The following CC2D2B variants were observed in gnomAD, a reference collection of about 807,000 sequenced individuals.
CC2D2B encodes the protein protein CC2D2B.
CC2D2B carries 128 observed loss-of-function variants against 161.2 expected under a neutral mutation model. The observed-to-expected ratio is 0.79, with a 90% CI of 0.69 to 0.92. The LOEUF is 0.92. CC2D2B is among the 40% of genes least tolerant of loss of function. The pLI is 0.00. For synonymous variants in CC2D2B, 391 were observed against 449.8 expected, an observed-to-expected ratio of 0.87 and a Z score of 1.65; for missense variants, 1,173 against 1,375.1, an observed-to-expected ratio of 0.85 and a Z score of 2.32.
At chr10:95,995,934 G>A (rs2078214828) in intron 23 of CC2D2B, among the ~76,000 whole-genome samples, 1 of 152,040 alleles carries the variant, frequency 6.6e-6, no homozygotes, top group Non-Finnish European at 1.5e-5. Flanking sequence ...AAATCCTTAA[G>A]AGAAAGTTCT....
rs371727860 is a variant in CC2D2B, at chr10:96,016,158, G to T, written c.3517-43G>T. 294 of 1,344,074 alleles carry T rather than the reference G, an allele frequency of 2.2e-4. 2 individuals are homozygous for T. The African/African-American group carries it at 3.6e-3, about 16-fold the overall frequency. 83.3% of individuals were successfully genotyped at this position (1,344,074 alleles called of 1,614,324 possible). A position where few individuals can be genotyped will look rare whatever the true frequency, so the allele number is the denominator to read the frequency against. ...GATGCTTGCGTTACTCAACTTTCCC[G>T]CACTTTTCTTTTTTTGTTCCTATTG... On this transcript the variant is annotated intron_variant, in intron 29 of 34. Coordinates refer to ENST00000646931, the MANE Select transcript of CC2D2B (RefSeq NM_001349008.3).
At chr10:96,008,535 C>T (rs1371102712) in intron 25 of CC2D2B, among the ~76,000 whole-genome samples, 1 of 152,200 alleles carries the variant, frequency 6.6e-6, no homozygotes. Context: ...TAGGAGACTT[C>T]CAGTTCTTTC....
chr10:95,947,108 TATA>T lies in CC2D2B; in HGVS notation c.802-2787_802-2785del, dbSNP rs1376344501. Among the ~76,000 whole-genome samples the T allele has an allele frequency of 3.8e-3, 143 of 37,676 alleles. 2 individuals carry two copies. Among genetic ancestry groups the T allele is most frequent in the East Asian group, 0.02 (20 of 1,000 alleles). 24.7% of individuals were successfully genotyped at this position (37,676 alleles called of 152,430 possible). A position where few individuals can be genotyped will look rare whatever the true frequency, so the allele number is the denominator to read the frequency against. ...ATATATATATATATATATATATATA[TATA>T]TATTTTTTTTTTTTTTTTTGAGACA... On this transcript the variant is annotated intron_variant, in intron 9 of 34. Coordinates refer to ENST00000646931, the MANE Select transcript of CC2D2B (RefSeq NM_001349008.3).
rs571134554 is a variant in CC2D2B at position 95,953,743 on chromosome 10, A to G, written c.1012-1651A>G. Among the ~76,000 whole-genome samples the G allele has an allele frequency of 3.3e-5, 5 of 152,252 alleles. No individual in the cohort carries two copies. In the South Asian group the frequency reaches 6.2e-4, roughly 19 times the overall value. ...GTTTGGTTAATTTGGTGTCTCGATG[A>G]TATTATCAACAACCCTAGCCTTTTC... On this transcript the variant is annotated intron_variant, in intron 10 of 34. Transcript: ENST00000646931.
chr10:95,978,595 C>T (rs2077400388), intron 17 of CC2D2B, among the ~76,000 whole-genome samples: 1 of 152,188 alleles, frequency 6.6e-6, no homozygotes, highest in Non-Finnish European at 1.5e-5. Context: ...GGCTGATAAA[C>T]TCCTGGGCTC....
chr10:96,019,246 T>G lies in CC2D2B; in HGVS notation c.3674T>G (p.Leu1225Trp). 6.2e-7 allele frequency: 1 copy of G among 1,612,732 alleles called. No homozygotes were observed. Among genetic ancestry groups the G allele is most frequent in the Non-Finnish European group, 8.5e-7 (1 of 1,179,286 alleles). ...YVVTQETNEY[L>W]LWNPSTGQCY... Reference sequence around the variant, plus strand: ...GTAACTCAAGAAACTAATGAATATTTGCTTTGGAATCCATCAACTGGCCAA... The same window carrying G: ...GTAACTCAAGAAACTAATGAATATTGGCTTTGGAATCCATCAACTGGCCAA... Residue 1225 changes from leucine (L) to tryptophan (W), a missense_variant, in exon 31 of 35, where the codon TTG (leucine) becomes TGG (tryptophan). Leu to Trp is a moderately conservative substitution (Grantham distance 61). This residue lies in a region of CC2D2B where 598 missense variants were observed against 693.2 expected (regional missense o/e 0.86). Coordinates refer to ENST00000646931, the MANE Select transcript of CC2D2B (RefSeq NM_001349008.3).
At position 95,983,699 on chromosome 10, in the gene CC2D2B, A is replaced by G; in HGVS notation, c.2176A>G (p.Lys726Glu). 8.1e-7 allele frequency: 1 copy of G among 1,231,180 alleles called. No individual in the cohort carries two copies. Among genetic ancestry groups the G allele is most frequent in the Admixed American group, 4.2e-5 (1 of 23,710 alleles). 76.3% of individuals were successfully genotyped at this position (1,231,180 alleles called of 1,614,324 possible). ...CTTCGTTTCTGAAGAGGAAATGGCA[A>G]AGAGTAAACGTTTCCAGCTATTGCA... ...FNFVSEEEMAKSKRFQLLQLR... is the reference protein window; with the variant it reads ...FNFVSEEEMAESKRFQLLQLR... Residue 726 changes from lysine to glutamate, a missense_variant, in exon 19 of 35, where the codon AAG (lysine) becomes GAG (glutamate). Physicochemically the swap from Lys to Glu is moderately conservative, Grantham distance 56. Coordinates refer to ENST00000646931, the MANE Select transcript of CC2D2B (RefSeq NM_001349008.3).
At chr10:96,010,385 G>A (rs955687127) in intron 26 of CC2D2B, among the ~76,000 whole-genome samples, 1 of 152,058 alleles carries the variant, frequency 6.6e-6, no homozygotes, top group Non-Finnish European at 1.5e-5. Context: ...AAGTAGAAAA[G>A]CCCCAGCCCA....
intron 24 of CC2D2B, among the ~76,000 whole-genome samples, 165 bp downstream of exon 24, chr10:95,996,417 C>A (rs781373293): frequency 2.6e-5 from 4 of 151,998 alleles, no homozygotes; most frequent in Non-Finnish European, 4.4e-5. Flanking sequence ...TACTGTATAG[C>A]ATAATATATA....
intron 25 of CC2D2B, among the ~76,000 whole-genome samples, chr10:96,008,073 A>G (rs7096743): frequency 0.61 from 93,257 of 151,708 alleles, 28,859 homozygotes; most frequent in East Asian, 0.83. Context: ...CTGTTGGCCT[A>G]TCTACCTCCT....
chr10:96,000,323 T>A, intron 24 of CC2D2B: 1 of 327,470 alleles, frequency 3.1e-6, no homozygotes, highest in Non-Finnish European at 4.3e-6. Flanking sequence ...CGTCTGTCTT[T>A]ATTTATTTAT....
intron 32 of CC2D2B, chr10:96,022,848 C>G (rs1221521209): frequency 6.6e-6 from 1 of 152,308 alleles, no homozygotes; most frequent in African/African-American, 2.4e-5. Context: ...GGGGAGTGCA[C>G]AGCAGGAGGC....
intron 19 of CC2D2B, among the ~76,000 whole-genome samples, chr10:95,984,195 T>C (rs2077630732): frequency 6.6e-6 from 1 of 152,242 alleles, no homozygotes; most frequent in Non-Finnish European, 1.5e-5. Context: ...TGTTAGAATC[T>C]TTAAAATATT....
intron 34 of CC2D2B, 103 bp downstream of exon 34, chr10:96,027,492 T>C: frequency 1.3e-6 from 1 of 755,234 alleles, no homozygotes; most frequent in Admixed American, 3.3e-5. Context: ...TTTATCTTGA[T>C]CCTTAAAGAT....
At position 95,938,931 on chromosome 10, in the gene CC2D2B, CA is replaced by C. The variant is rs771034019; in HGVS notation, c.801+8del. 4 of 667,618 alleles carry C rather than the reference CA, an allele frequency of 6.0e-6. No homozygotes were observed. The South Asian group carries it at 7.0e-5, about 12-fold the overall frequency. The allele number at this position is 667,618 out of a possible 1,614,324, so 41.4% of individuals were successfully genotyped here. A position where few individuals can be genotyped will look rare whatever the true frequency, so the allele number is the denominator to read the frequency against. The stretch of plus-strand genomic sequence containing the variant: ...TTAAGACCATATACAGGAAGGTAAC[CA>C]ACAACAATTTATTTGTAATTATGGT... On this transcript the variant is annotated splice_region_variant and intron_variant, in intron 9 of 34. Coordinates refer to ENST00000646931, the MANE Select transcript of CC2D2B (RefSeq NM_001349008.3).
chr10:95,912,593 A>T (rs1419040623), intron 2 of CC2D2B, among the ~76,000 whole-genome samples: 1 of 152,176 alleles, frequency 6.6e-6, no homozygotes, highest in Non-Finnish European at 1.5e-5. Flanking sequence ...AAAGTTTTCA[A>T]AAAATAAGGT....
chr10:95,999,624 A>G (rs1319194212), intron 24 of CC2D2B, among the ~76,000 whole-genome samples: 2 of 152,078 alleles, frequency 1.3e-5, no homozygotes, highest in African/African-American at 4.8e-5. Context: ...ATTAAATTTG[A>G]CTAGTAAAGA....
intron 6 of CC2D2B, among the ~76,000 whole-genome samples, chr10:95,928,232 T>TAA (rs34003266): frequency 2.7e-5 from 4 of 149,578 alleles, no homozygotes; most frequent in African/African-American, 4.9e-5. Context: ...TTTGCACAAT[T>TAA]AAAAAAAAAA....
At chr10:95,929,505 C>G (rs1169296923) in intron 6 of CC2D2B, among the ~76,000 whole-genome samples, 1 of 152,084 alleles carries the variant, frequency 6.6e-6, no homozygotes, top group Non-Finnish European at 1.5e-5. Flanking sequence ...CCTAGGTTTT[C>G]TTCTAGGGTT....
Sources: allele counts gnomAD v4.1 joint callset (sites outside exome capture counted in the v4.1 genomes callset), GRCh38; gene constraint gnomAD v4.1.1; regional missense constraint gnomAD v4.1.1; transcripts MANE v1.5; gene names NCBI Gene and HGNC (gene_info 2026-07-23, HGNC 2026-07-21).